RAB37: variants seen among roughly 807,000 people sequenced by gnomAD.
The protein encoded by RAB37 is ras-related protein Rab-37.
RAB37 carries 29 observed loss-of-function variants against 33.1 expected under a neutral mutation model. That is an observed-to-expected ratio of 0.88 (90% CI 0.65 to 1.20). RAB37 has a LOEUF of 1.20. RAB37 is among the 50% of genes most tolerant of loss of function. The pLI is 0.00. For missense variants in RAB37, 299 were observed against 301.1 expected, an observed-to-expected ratio of 0.99 and a Z score of 0.05; for synonymous variants, 128 against 119.5, an observed-to-expected ratio of 1.07 and a Z score of -0.47.
At chr17:74,736,742 G>A (rs1253136674), upstream of RAB37, 9 of 1,535,634 alleles carry the variant, frequency 5.9e-6, no homozygotes, top group Non-Finnish European at 7.8e-6. Context: ...GCGAGTACGG[G>A]TTGGTAAACA....
upstream of RAB37, among the ~76,000 whole-genome samples, chr17:74,735,018 G>GAAAGA (rs2034449471): frequency 1.9e-4 from 16 of 82,238 alleles, no homozygotes; most frequent in East Asian, 7.6e-4. Flanking sequence ...AGGAAGGAAG[G>GAAAGA]AAGAAAGAAA....
At chr17:74,719,272 AC>A (rs2034207781) in intron 1 of RAB37, among the ~76,000 whole-genome samples, 1 of 151,860 alleles carries the variant, frequency 6.6e-6, no homozygotes, top group Non-Finnish European at 1.5e-5. Context: ...ACATGGTGAA[AC>A]CCCAACTCTG....
Position 74,738,645 on chromosome 17 carries a change from G to A in RAB37, c.93+1280G>A, listed in dbSNP as rs955489406. 1.3e-5 allele frequency among the ~76,000 whole-genome samples: 2 copies of A among 152,158 alleles called. No homozygotes were observed. Among genetic ancestry groups the A allele is most frequent in the African/African-American group, 4.8e-5 (2 of 41,424 alleles). On this transcript the variant is annotated intron_variant, in intron 1 of 8. Transcript: ENST00000392613. This position sits in a 1 kb window ranked among gnomAD's most constrained non-coding sequence, Gnocchi z 5.0. ...TCCCTCCTTCCTGCTCCAGGGCTGG[G>A]ACCCAGGAGCCAGGGAGGAGTGCAG... is the stretch of plus-strand genomic sequence containing the variant.
At chr17:74,695,731 G>A in intron 1 of RAB37, 5 of 1,614,158 alleles carry the variant, frequency 3.1e-6, no homozygotes, top group Non-Finnish European at 2.5e-6. Flanking sequence ...GCACCATGGT[G>A]ACATATTCCA....
intron 1 of RAB37, among the ~76,000 whole-genome samples, chr17:74,705,922 T>C (rs916141477): frequency 1.3e-5 from 2 of 152,178 alleles, no homozygotes; most frequent in African/African-American, 2.4e-5. Flanking sequence ...CATGTTTTCC[T>C]TCAAAATCAT....
intron 1 of RAB37, among the ~76,000 whole-genome samples, chr17:74,722,539 C>G (rs1369003915): frequency 6.6e-6 from 1 of 152,186 alleles, no homozygotes; most frequent in Non-Finnish European, 1.5e-5. Context: ...GAGATGTTAA[C>G]AACATCAACA....
In RAB37 at chr17:74,737,356, C is replaced by G. The variant is rs1398537806; in HGVS notation, c.84C>G (p.Leu28=). 1.9e-6 allele frequency: 3 copies of G among 1,573,084 alleles called. No individual in the cohort carries two copies. The highest frequency in any genetic ancestry group is 2.6e-6 in the Non-Finnish European group (3 of 1,166,852). The change falls in exon 1 of 9, where the codon CTC becomes CTG. Residue 28 remains leucine (L), a synonymous_variant. Coordinates refer to ENST00000392613, the MANE Select transcript of RAB37 (RefSeq NM_001006638.3). Reference sequence around the variant, plus strand: ...CGCCCTGCAGTCCGAGCTACGACCTCACGGGCAAGGTGGGTGGGCCTCTTC... The same window carrying G: ...CGCCCTGCAGTCCGAGCTACGACCTGACGGGCAAGGTGGGTGGGCCTCTTC... ...RSPPCSPSYD[L]TGKVMLLGDT... is the part of the protein sequence containing the mutation.
intron 1 of RAB37, among the ~76,000 whole-genome samples, chr17:74,700,226 C>T (rs1163556775): frequency 6.6e-6 from 1 of 151,968 alleles, no homozygotes; most frequent in South Asian, 2.1e-4. Context: ...CCGTAACAGC[C>T]CCATTTCAGC....
chr17:74,702,800 G>A (rs2033175460), intron 1 of RAB37, among the ~76,000 whole-genome samples: 1 of 152,200 alleles, frequency 6.6e-6, no homozygotes, highest in Non-Finnish European at 1.5e-5. Context: ...TAAAAGTGGG[G>A]CGAACGAATG....
Position 74,743,133 on chromosome 17 carries a change from G to C in RAB37, c.251G>C (p.Trp84Ser), listed in dbSNP as rs910837302. ...CTCCATCCCATCCCTTCCCAGATCT[G>C]GGACACCGCTGGGCAGGAACGGTTC... ...VDGVRVKLQI[W>S]DTAGQERFRS... Residue 84 changes from tryptophan to serine, a missense_variant, in exon 4 of 9, where the codon TGG (tryptophan) becomes TCG (serine). By Grantham distance (177) the Trp-to-Ser change is radical. Transcript: ENST00000392613. 1.2e-6 allele frequency: 2 copies of C among 1,612,842 alleles called. No homozygotes were observed. Among genetic ancestry groups the C allele is most frequent in the Middle Eastern group, 1.6e-4 (1 of 6,062 alleles).
At chr17:74,740,941 GGTTGCCCCCACCTTGCTCA>G in intron 2 of RAB37, 63 bp downstream of exon 2, 1 of 1,258,972 alleles carries the variant, frequency 7.9e-7, no homozygotes, top group Non-Finnish European at 1.2e-6. Context: ...GGCATGGGGG[GGTTGCCCCCACCTTGCTCA>G]CCCTGGCTCC....
In RAB37 at chr17:74,746,111, C is replaced by A. The variant is rs1347279676; in HGVS notation, c.*700C>A. On this transcript the variant is annotated 3_prime_UTR_variant, in exon 9 of 9. Transcript: ENST00000392613. The surrounding 1 kb of genome is among the most constrained non-coding windows in gnomAD (Gnocchi z 5.2). ...CACCTGGAAATATTGGTTCCAGGCT[C>A]CTGTTCTCTGGACTTCAGATCCTGG... The A allele has an allele frequency of 1.3e-5, 2 of 152,258 alleles. No individual in the cohort carries two copies. Among genetic ancestry groups the A allele is most frequent in the African/African-American group, 4.8e-5 (2 of 41,436 alleles). 9.4% of individuals were successfully genotyped at this position (152,258 alleles called of 1,614,324 possible).
intron 1 of RAB37, among the ~76,000 whole-genome samples, chr17:74,721,304 A>C (rs2034236718): frequency 1.3e-5 from 2 of 152,050 alleles, no homozygotes; most frequent in Non-Finnish European, 2.9e-5. Flanking sequence ...GATCTTCCTC[A>C]TCCTTTTACT....
At chr17:74,715,586 G>A (rs986276959) in intron 1 of RAB37, among the ~76,000 whole-genome samples, 5 of 152,168 alleles carry the variant, frequency 3.3e-5, no homozygotes, top group Non-Finnish European at 4.4e-5. Context: ...CAGATGCATC[G>A]AGGGTGGTGG....
chr17:74,684,647 G>A (rs987526044), intron 1 of RAB37, among the ~76,000 whole-genome samples: 8 of 152,030 alleles, frequency 5.3e-5, no homozygotes, highest in Middle Eastern at 3.4e-3. Flanking sequence ...AAAGTTAGTC[G>A]CGCATGGTGG....
In RAB37 at chr17:74,729,168, A is replaced by G; in HGVS notation, c.73-88A>G. On this transcript the variant is annotated intron_variant, in intron 1 of 7. Transcript: ENST00000340415. This position sits in a 1 kb window ranked among gnomAD's most constrained non-coding sequence, Gnocchi z 4.2. ...GCATGTTGTGCACATGCGTGCTTAG[A>G]AAGAATCCACTCCCACAGCCACAAG... The G allele has an allele frequency of 1.1e-6, 1 of 876,186 alleles. No homozygotes were observed. Among genetic ancestry groups the G allele is most frequent in the Non-Finnish European group, 2.0e-6 (1 of 508,448 alleles). The allele number at this position is 876,186 out of a possible 1,614,324, so 54.3% of individuals were successfully genotyped here. A position where few individuals can be genotyped will look rare whatever the true frequency, so the allele number is the denominator to read the frequency against.
chr17:74,713,672 G>A (rs1235899280), intron 1 of RAB37, among the ~76,000 whole-genome samples: 1 of 152,048 alleles, frequency 6.6e-6, no homozygotes, highest in Non-Finnish European at 1.5e-5. Flanking sequence ...AGAAGTTCAA[G>A]AGGATTGAGG....
intron 1 of RAB37, among the ~76,000 whole-genome samples, chr17:74,679,977 CAAAAA>C (rs11306402): frequency 4.7e-5 from 5 of 107,276 alleles, no homozygotes; most frequent in African/African-American, 1.4e-4. Flanking sequence ...GGCTCTGTCT[CAAAAA>C]AAAAAAAAAA....
chr17:74,721,684 C>T (rs2144011769), intron 1 of RAB37, among the ~76,000 whole-genome samples: 1 of 152,250 alleles, frequency 6.6e-6, no homozygotes, highest in South Asian at 2.1e-4. Flanking sequence ...CCGCCTCGGC[C>T]TCCCAAAGTG....
Sources: gnomAD v4.1 joint callset for allele counts (sites outside exome capture counted in the v4.1 genomes callset) on GRCh38, gnomAD v4.1.1 for gene constraint, Gnocchi (gnomAD v3.1) non-coding constraint, MANE v1.5 for transcripts, NCBI Gene and HGNC (gene_info 2026-07-23, HGNC 2026-07-21) for gene names.